GPD2: variants seen among roughly 807,000 people sequenced by gnomAD.
The protein encoded by GPD2 is glycerol-3-phosphate dehydrogenase, mitochondrial.
In GPD2, 54 loss-of-function variants were observed where a neutral mutation model predicts 82.4. The ratio of observed to expected loss-of-function variants is 0.66; its 90% CI spans 0.53 to 0.82. The LOEUF (loss-of-function observed/expected upper bound fraction) is 0.82, where lower values mean the gene tolerates loss of function less well. Ranked by LOEUF, GPD2 falls within the 40% of genes least tolerant of loss-of-function variation. The probability of loss-of-function intolerance (pLI) is 0.00; values close to 1 mark genes in which losing one functional copy is unlikely to be tolerated. For synonymous variants in GPD2, 288 were observed against 306.1 expected (o/e 0.94, Z 0.62); for missense variants, 748 against 896.2 (o/e 0.83, Z 2.11).
At chr2:156,401,624 G>A in the GPD2 span, among the ~76,000 whole-genome samples, 1 of 152,110 alleles carries the variant, frequency 6.6e-6, no homozygotes, top group Non-Finnish European at 1.5e-5. Flanking sequence ...AAGAAACAGG[G>A]AACAGAAATT....
chr2:156,556,618 G>A (rs1686970094), intron 8 of GPD2, among the ~76,000 whole-genome samples: 2 of 152,136 alleles, frequency 1.3e-5, no homozygotes, highest in African/African-American at 4.8e-5. Flanking sequence ...TCTTTCAGTA[G>A]AGGCAGCATT....
At chr2:156,436,055 C>T (rs942061899), upstream of GPD2, among the ~76,000 whole-genome samples, 3 of 152,226 alleles carry the variant, frequency 2.0e-5, no homozygotes, top group African/African-American at 7.2e-5. Context: ...TGGCGCTGCG[C>T]GACCCCACCC....
chr2:156,446,257 G>A lies in GPD2; in HGVS notation c.-9+9744G>A, dbSNP rs562490423. ...ATTATAGGCATGTGCCACCATGCCC[G>A]GCTAATATTTGTATTTTTAGTAGAG... is the stretch of plus-strand genomic sequence containing the variant. On this transcript the variant is annotated intron_variant, in intron 1 of 16. Coordinates refer to ENST00000438166, the MANE Select transcript of GPD2 (RefSeq NM_000408.5). 7.2e-5 allele frequency among the ~76,000 whole-genome samples: 11 copies of A among 152,130 alleles called. 1 individual carries two copies. In the South Asian group the frequency reaches 1.5e-3, roughly 20 times the overall value.
At position 156,550,753 on chromosome 2, in the gene GPD2, G is replaced by A. The variant is rs141310302; in HGVS notation, c.971+7G>A. The A allele has an allele frequency of 1.2e-6, 2 of 1,611,802 alleles. No individual in the cohort carries two copies. Among genetic ancestry groups the A allele is most frequent in the Non-Finnish European group, 1.7e-6 (2 of 1,178,000 alleles). On this transcript the variant is annotated splice_region_variant and intron_variant, in intron 8 of 16. Transcript: ENST00000438166. Reference sequence around the variant, plus strand: ...TGATGCCTGGTTATTACAGGTAATTGTCTTCCAATGTGGCAGTTGTCACCC... The same window carrying A: ...TGATGCCTGGTTATTACAGGTAATTATCTTCCAATGTGGCAGTTGTCACCC...
At chr2:156,525,031 C>A (rs916333092) in intron 6 of GPD2, among the ~76,000 whole-genome samples, 9 of 152,138 alleles carry the variant, frequency 5.9e-5, no homozygotes. Context: ...TATCAACTAT[C>A]TGCCTACCTT....
intron 6 of GPD2, among the ~76,000 whole-genome samples, chr2:156,521,364 A>G (rs1685400848): frequency 6.6e-6 from 1 of 152,264 alleles, no homozygotes; most frequent in Non-Finnish European, 1.5e-5. Context: ...ACTTAGGTTT[A>G]CAAACTTAAC....
intron 4 of GPD2, among the ~76,000 whole-genome samples, chr2:156,511,229 C>G: frequency 6.6e-6 from 1 of 152,194 alleles, no homozygotes; most frequent in East Asian, 1.9e-4. Context: ...CAAATTGCTA[C>G]TTTGCAAGCA....
chr2:156,512,432 A>G (rs1365286251), intron 5 of GPD2, 115 bp downstream of exon 5: 7 of 732,240 alleles, frequency 9.6e-6, no homozygotes, highest in Non-Finnish European at 1.8e-5. Flanking sequence ...AATTGGTCCT[A>G]ATCTTTAATC....
chr2:156,570,094 A>G lies in GPD2; in HGVS notation c.1484A>G (p.Gln495Arg). 2 of 1,611,342 alleles carry G rather than the reference A, an allele frequency of 1.2e-6. No homozygotes were observed. Among genetic ancestry groups the G allele is most frequent in the Non-Finnish European group, 1.7e-6 (2 of 1,179,074 alleles). Residue 495 changes from glutamine to arginine, a missense_variant, in exon 12 of 17, where the codon CAG becomes CGG. By Grantham distance (43) the Gln-to-Arg change is conservative. This residue lies in a region of GPD2 where 692 missense variants were observed against 809.7 expected (regional missense o/e 0.85). Transcript: ENST00000438166. ...GCAGCTTTATTTCTCTAGGTGGCAC[A>G]GCATCTTGCCGCCACCTATGGTGAT... ...QDYGLESEVAQHLAATYGDKA... is the reference protein window; with the variant it reads ...QDYGLESEVARHLAATYGDKA...
At chr2:156,504,777 GGTAA>G (rs938077262) in intron 3 of GPD2, among the ~76,000 whole-genome samples, 55 of 151,306 alleles carry the variant, frequency 3.6e-4, no homozygotes, top group African/African-American at 1.2e-3. Flanking sequence ...TATTGACATG[GGTAA>G]GTGTTTACAA....
chr2:156,463,499 T>C (rs1683056187), intron 1 of GPD2, among the ~76,000 whole-genome samples: 2 of 152,226 alleles, frequency 1.3e-5, no homozygotes, highest in South Asian at 4.1e-4. Context: ...TTGTTTCCCC[T>C]TCTTCATCTA....
At chr2:156,501,749 A>G (rs993466379) in intron 3 of GPD2, 1 of 169,268 alleles carries the variant, frequency 5.9e-6, no homozygotes, top group African/African-American at 2.4e-5. Flanking sequence ...GAGATTTAAC[A>G]TAATTTTAAT....
chr2:156,556,161 A>G (rs1308982130), intron 8 of GPD2, among the ~76,000 whole-genome samples: 1 of 152,184 alleles, frequency 6.6e-6, no homozygotes, highest in African/African-American at 2.4e-5. Context: ...GGGAATGATG[A>G]TAAAGATAAA....
At chr2:156,440,034 C>A (rs1159305033) in intron 1 of GPD2, among the ~76,000 whole-genome samples, 1 of 152,002 alleles carries the variant, frequency 6.6e-6, no homozygotes, top group East Asian at 1.9e-4. Flanking sequence ...TAGAGAAGAA[C>A]TGAATGGAAC....
chr2:156,421,290 T>C, the GPD2 span, among the ~76,000 whole-genome samples: 3 of 152,242 alleles, frequency 2.0e-5, no homozygotes, highest in Non-Finnish European at 4.4e-5. Flanking sequence ...GAAATCTGTG[T>C]ACGTACCCTT....
intron 6 of GPD2, among the ~76,000 whole-genome samples, chr2:156,520,668 T>C (rs1350856772): frequency 6.6e-6 from 1 of 152,054 alleles, no homozygotes; most frequent in African/African-American, 2.4e-5. Context: ...TATTGCAACC[T>C]CCACCTCCCG....
At chr2:156,513,540 C>G in intron 6 of GPD2, 44 bp downstream of exon 6, 2 of 1,447,838 alleles carry the variant, frequency 1.4e-6, no homozygotes, top group Non-Finnish European at 1.9e-6. Flanking sequence ...ATACTTTTCT[C>G]TCACTCATGA....
Position 156,550,589 on chromosome 2 carries a change from C to T in GPD2, c.827-13C>T. On this transcript the variant is annotated splice_polypyrimidine_tract_variant and intron_variant, in intron 7 of 16. Transcript: ENST00000438166. ...CAAATGAGGTGTGTGATTGATGCCA[C>T]TTTCTTTCACAGGGCAGGAATTTGA... 1.9e-6 allele frequency: 3 copies of T among 1,613,690 alleles called. No individual in the cohort carries two copies. Among genetic ancestry groups the T allele is most frequent in the South Asian group, 2.2e-5 (2 of 91,082 alleles).
chr2:156,405,214 T>C, the GPD2 span, among the ~76,000 whole-genome samples: 5 of 152,126 alleles, frequency 3.3e-5, no homozygotes, highest in Admixed American at 1.3e-4. Flanking sequence ...CTTGATAGAC[T>C]TGGGGTGTAG....
Sources: allele counts gnomAD v4.1 joint callset (sites outside exome capture counted in the v4.1 genomes callset), GRCh38; gene constraint gnomAD v4.1.1; regional missense constraint gnomAD v4.1.1; transcripts MANE v1.5; gene names NCBI Gene and HGNC (gene_info 2026-07-23, HGNC 2026-07-21).